The following ITGAX variants were observed in gnomAD, a reference collection of about 807,000 sequenced individuals.
ITGAX encodes integrin alpha-X.
ITGAX carries 99 observed loss-of-function variants against 140.2 expected under a neutral mutation model. The ratio of observed to expected loss-of-function variants is 0.71; its 90% CI spans 0.60 to 0.83. The LOEUF (loss-of-function observed/expected upper bound fraction) is 0.83. ITGAX is among the 40% of genes least tolerant of loss of function. The pLI, the probability that ITGAX is intolerant of heterozygous loss-of-function variation, is 0.00. For synonymous variants in ITGAX, 631 were observed against 600.4 expected (o/e 1.05, Z -0.75); for missense variants, 1,444 against 1,482.0 (o/e 0.97, Z 0.42).
chr16:31,381,654 C>A, intron 29 of ITGAX, 149 bp from the exon 30 acceptor site: 1 of 632,600 alleles, frequency 1.6e-6, no homozygotes. Flanking sequence ...TTGGCTAAAT[C>A]TAGATGACAT....
At chr16:31,363,438 AC>A (rs2080859916) in intron 14 of ITGAX, 64 bp downstream of exon 14, 2 of 1,559,398 alleles carry the variant, frequency 1.3e-6, no homozygotes, top group East Asian at 4.5e-5. Context: ...ACTCTGTCAT[AC>A]TGGAAAACTG....
chr16:31,377,211 C>T lies in ITGAX; in HGVS notation c.2735C>T (p.Thr912Ile). 1 of 1,614,018 alleles carries T rather than the reference C, an allele frequency of 6.2e-7. No individual in the cohort carries two copies. The highest frequency in any genetic ancestry group is 8.5e-7 in the Non-Finnish European group (1 of 1,180,000). Reference sequence around the variant, plus strand: ...AACAACACTCCCAGGACCAGCAAGACCACCTTCCAGCTGGAGCTCCCGGTG... The same window carrying T: ...AACAACACTCCCAGGACCAGCAAGATCACCTTCCAGCTGGAGCTCCCGGTG... ...SENNTPRTSK[T>I]TFQLELPVKY... is the part of the protein sequence containing the mutation. Residue 912 changes from threonine to isoleucine, a missense_variant, in exon 23 of 30, where the codon ACC becomes ATC. Thr to Ile is a moderately conservative substitution (Grantham distance 89). Coordinates refer to ENST00000268296, the MANE Select transcript of ITGAX (RefSeq NM_000887.5).
chr16:31,371,911 TG>T, intron 17 of ITGAX, 127 bp downstream of exon 17: 1 of 1,119,312 alleles, frequency 8.9e-7, no homozygotes, highest in Non-Finnish European at 1.3e-6. Flanking sequence ...ATGCAGGACG[TG>T]CTTACTGCAC....
Position 31,382,471 on chromosome 16 carries a change from C to G in ITGAX, c.*564C>G, listed in dbSNP as rs4889652. 7.7e-3 allele frequency: 11,744 copies of G among 1,528,466 alleles called. 1,291 individuals carry two copies. In the Admixed American group the frequency reaches 0.19, roughly 25 times the overall value. The allele number at this position is 1,528,466 out of a possible 1,614,324, so 94.7% of individuals were successfully genotyped here. A position where few individuals can be genotyped will look rare whatever the true frequency, so the allele number is the denominator to read the frequency against. ...CATCCCCACCTGTCTTCAACAGCTC[C>G]CCATTACCCTCAGGACAATGTCTGA... On this transcript the variant is annotated 3_prime_UTR_variant, in exon 30 of 30. Transcript: ENST00000268296.
chr16:31,372,848 AT>A (rs1164935120), intron 19 of ITGAX, among the ~76,000 whole-genome samples, 178 bp downstream of exon 19: 1 of 152,036 alleles, frequency 6.6e-6, no homozygotes, highest in Admixed American at 6.6e-5. Flanking sequence ...AGGTGGGAGG[AT>A]CTTTTGAGGC....
intron 29 of ITGAX, among the ~76,000 whole-genome samples, 179 bp downstream of exon 29, chr16:31,381,186 G>A (rs920112431): frequency 2.0e-5 from 3 of 152,086 alleles, no homozygotes; most frequent in Non-Finnish European, 2.9e-5. Flanking sequence ...TGATTCCCAG[G>A]CTTCCTCTAA....
intron 9 of ITGAX, 105 bp from the exon 10 acceptor site, chr16:31,361,731 T>A: frequency 8.1e-7 from 1 of 1,231,902 alleles, no homozygotes; most frequent in Non-Finnish European, 1.2e-6. Flanking sequence ...AGGCACCAGC[T>A]CTCCCTGTAG....
In ITGAX at chr16:31,361,235, C is replaced by T. The variant is rs74015511; in HGVS notation, c.1012+22C>T. ...GAGGGTGAGTCTGAAGGGAGCTCTT[C>T]GCTTGGGGAATCCTCAGCCGTTAAC... On this transcript the variant is annotated intron_variant, in intron 9 of 29. Coordinates refer to ENST00000268296, the MANE Select transcript of ITGAX (RefSeq NM_000887.5). 2,421 of 1,590,584 alleles carry T rather than the reference C, an allele frequency of 1.5e-3. 28 individuals carry two copies. In the African/African-American group the frequency reaches 0.03, roughly 19 times the overall value.
chr16:31,374,136 A>C (rs1415612466), intron 20 of ITGAX, among the ~76,000 whole-genome samples: 4 of 152,134 alleles, frequency 2.6e-5, no homozygotes, highest in African/African-American at 4.8e-5. Context: ...GAAAAATACA[A>C]AAATTAGCTG....
At position 31,379,661 on chromosome 16, in the gene ITGAX, C is replaced by A. The variant is rs775455732; in HGVS notation, c.2868+15C>A. Reference sequence around the variant, plus strand: ...ACAGATACCAGGCAGGTGGTGGAGACGCAGGAGACTGGGCTGGGGTGGGAG... The same window carrying A: ...ACAGATACCAGGCAGGTGGTGGAGAAGCAGGAGACTGGGCTGGGGTGGGAG... On this transcript the variant is annotated intron_variant, in intron 24 of 29. Transcript: ENST00000268296. 1.9e-6 allele frequency: 3 copies of A among 1,566,856 alleles called. No homozygotes were observed. The African/African-American group carries it at 4.1e-5, about 21-fold the overall frequency.
chr16:31,382,082 G>A lies in ITGAX; in HGVS notation c.*175G>A. ...GGGAAGGGGCCTTTGTCTTGTCAAG[G>A]TTCCAACTGGAAACCCTTAGGACAG... On this transcript the variant is annotated 3_prime_UTR_variant, in exon 30 of 30. Coordinates refer to ENST00000268296, the MANE Select transcript of ITGAX (RefSeq NM_000887.5). 1.4e-6 allele frequency: 2 copies of A among 1,434,312 alleles called. No individual in the cohort carries two copies. The highest frequency in any genetic ancestry group is 3.0e-5 in the South Asian group (2 of 66,398). The allele number at this position is 1,434,312 out of a possible 1,614,324, so 88.8% of individuals were successfully genotyped here.
At chr16:31,357,219 G>C (rs1364364593) in intron 4 of ITGAX, 34 bp from the exon 5 acceptor site, 2 of 1,549,500 alleles carry the variant, frequency 1.3e-6, no homozygotes, top group Non-Finnish European at 1.8e-6. Context: ...GGAGGAAGCA[G>C]GGGCAGCCCC....
chr16:31,361,064 T>C lies in ITGAX; in HGVS notation c.863T>C (p.Val288Ala). The change falls in exon 9 of 30, where the codon GTT (valine) becomes GCT (alanine). Residue 288 changes from valine to alanine, a missense_variant and splice_region_variant. By Grantham distance (64) the Val-to-Ala change is moderately conservative (BLOSUM62 0). Coordinates refer to ENST00000268296, the MANE Select transcript of ITGAX (RefSeq NM_000887.5). ...TGAGTTGATCTTTTCTGGGGACAGG[T>C]TGGATTAGCTTTTCAAAACAGAAAT... ...AAGIIRYAIG[V>A]GLAFQNRNSW... 6.2e-7 allele frequency: 1 copy of C among 1,612,386 alleles called. No homozygotes were observed. The highest frequency in any genetic ancestry group is 1.1e-5 in the South Asian group (1 of 90,584).
In ITGAX at chr16:31,380,045, A is replaced by G. The variant is rs143650639; in HGVS notation, c.3040A>G (p.Ile1014Val). 1.2e-6 allele frequency: 2 copies of G among 1,614,124 alleles called. No homozygotes were observed. The change falls in exon 26 of 30, where the codon ATT becomes GTT. Residue 1014 changes from isoleucine (I) to valine (V), a missense_variant. By Grantham distance (29) the Ile-to-Val change is conservative. Coordinates refer to ENST00000268296, the MANE Select transcript of ITGAX (RefSeq NM_000887.5). ...APPASDFLAH[I>V]QKNPVLDCSI... ...CCCAGCATCTGACTTCCTGGCGCAC[A>G]TTCAGAAGAATCCCGTGCTGGTGAG...
chr16:31,362,803 T>C, intron 12 of ITGAX, 50 bp downstream of exon 12: 1 of 1,608,102 alleles, frequency 6.2e-7, no homozygotes, highest in Non-Finnish European at 8.5e-7. Flanking sequence ...GGGAGGTGGC[T>C]GGGGCAGAGG....
At chr16:31,362,227 G>C in intron 11 of ITGAX, 23 bp downstream of exon 11, 1 of 1,613,520 alleles carries the variant, frequency 6.2e-7, no homozygotes, top group Non-Finnish European at 8.5e-7. Flanking sequence ...CAGGGGTTGG[G>C]GACAGGTGGG....
At position 31,355,924 on chromosome 16, in the gene ITGAX, C is replaced by T; in HGVS notation, c.69C>T (p.Asp23=). The change falls in exon 2 of 30, where the codon GAC becomes GAT. Residue 23 remains aspartate, a synonymous_variant. Coordinates refer to ENST00000268296, the MANE Select transcript of ITGAX (RefSeq NM_000887.5). ...ALATSLGFNL[D]TEELTAFRVD... ...CAACTTCTCTAGGTTTCAACTTGGA[C>T]ACAGAGGAGCTGACAGCCTTCCGTG... The T allele has an allele frequency of 6.2e-7, 1 of 1,613,838 alleles. No individual in the cohort carries two copies.
At chr16:31,361,580 G>T in intron 9 of ITGAX, 1 of 708,782 alleles carries the variant, frequency 1.4e-6, no homozygotes, top group East Asian at 2.6e-5. Context: ...CGGACACCTG[G>T]CCCCCTCGGG....
Position 31,359,973 on chromosome 16 carries a change from A to T in ITGAX, c.615A>T (p.Glu205Asp), listed in dbSNP as rs1202533730. Residue 205 changes from glutamate (E) to aspartate (D), a missense_variant, in exon 7 of 30, where the codon GAA (glutamate) becomes GAT (aspartate). Coordinates refer to ENST00000268296, the MANE Select transcript of ITGAX (RefSeq NM_000887.5). ...NKFQTHFTFE[E>D]FRRSSNPLSL... ...TCCAAACACACTTCACTTTCGAGGA[A>T]TTCAGGCGCAGCTCAAACCCCCTCA... The T allele has an allele frequency of 6.2e-7, 1 of 1,614,140 alleles. No individual in the cohort carries two copies. Among genetic ancestry groups the T allele is most frequent in the Non-Finnish European group, 8.5e-7 (1 of 1,180,030 alleles).
Sources: gnomAD v4.1 joint callset for allele counts (sites outside exome capture counted in the v4.1 genomes callset) on GRCh38, gnomAD v4.1.1 for gene constraint, MANE v1.5 for transcripts, NCBI Gene and HGNC (gene_info 2026-07-23, HGNC 2026-07-21) for gene names.